The following ROBO1 variants were observed in gnomAD, a reference collection of about 807,000 sequenced individuals.
ROBO1 encodes roundabout homolog 1.
A neutral mutation model predicts 195.9 loss-of-function variants in ROBO1; 149 were observed. That is an observed-to-expected ratio of 0.76 (90% confidence interval 0.67 to 0.87). The LOEUF is 0.87. Among genes scored for constraint, ROBO1 ranks in the 40% least tolerant of loss-of-function variants. The probability of loss-of-function intolerance (pLI) is 0.00; values close to 1 mark genes in which losing one functional copy is unlikely to be tolerated. For synonymous variants in ROBO1, 816 were observed against 733.2 expected (o/e 1.11, Z -1.82); for missense variants, 1,933 against 2,068.3 (o/e 0.93, Z 1.27).
rs1226386111 is a variant in ROBO1 at position 78,701,654 on chromosome 3, C to T, written c.1045+12743G>A. ...GCACTTCTCATCTCTTCACTAATGA[C>T]CTAAAAGGCACTGTGTGAAATGACT... On this transcript the variant is annotated intron_variant, in intron 8 of 30. Coordinates refer to ENST00000464233, the MANE Select transcript of ROBO1 (RefSeq NM_002941.4). Among the ~76,000 whole-genome samples, 5 of 152,246 alleles carry T rather than the reference C, an allele frequency of 3.3e-5. No homozygotes were observed. The South Asian group carries it at 1.0e-3, about 32-fold the overall frequency.
chr3:78,702,967 C>A (rs2081454868), intron 8 of ROBO1, among the ~76,000 whole-genome samples: 2 of 152,158 alleles, frequency 1.3e-5, no homozygotes, highest in Non-Finnish European at 2.9e-5. Flanking sequence ...ATTAAGAGAG[C>A]ATTTCAAATT....
chr3:79,446,667 A>C (rs940190028), intron 2 of ROBO1, among the ~76,000 whole-genome samples: 2 of 152,164 alleles, frequency 1.3e-5, no homozygotes, highest in African/African-American at 4.8e-5. Flanking sequence ...ACCTCAGTGC[A>C]CTTTTAAAAG....
chr3:79,050,106 G>C (rs1462767262), intron 3 of ROBO1, among the ~76,000 whole-genome samples: 3 of 152,100 alleles, frequency 2.0e-5, no homozygotes, highest in Non-Finnish European at 4.4e-5. Flanking sequence ...TGGCAAATTG[G>C]ATAAACAGTC....
intron 3 of ROBO1, among the ~76,000 whole-genome samples, chr3:78,967,744 T>C (rs2076678935): frequency 1.3e-5 from 2 of 152,074 alleles, no homozygotes; most frequent in South Asian, 4.2e-4. Context: ...GATCCATAAA[T>C]CTAATAAAAA....
At chr3:78,996,340 C>CAAA (rs5850409) in intron 3 of ROBO1, among the ~76,000 whole-genome samples, 3 of 148,220 alleles carry the variant, frequency 2.0e-5, no homozygotes. Flanking sequence ...AAAAAAAAAA[C>CAAA]AAAAAAAAAA....
chr3:78,734,940 A>G lies in ROBO1; in HGVS notation c.657+11803T>C, dbSNP rs574097484. 5.3e-5 allele frequency among the ~76,000 whole-genome samples: 8 copies of G among 152,284 alleles called. No homozygotes were observed. The East Asian group carries it at 1.5e-3, about 29-fold the overall frequency. On this transcript the variant is annotated intron_variant, in intron 5 of 30. Transcript: ENST00000464233. ...GTTTACGTAAAGATATAAGCACTTT[A>G]TAAGGAATTAAAATTATGTCTCAAA...
chr3:79,630,190 G>T (rs2108019806), intron 1 of ROBO1, among the ~76,000 whole-genome samples: 1 of 151,994 alleles, frequency 6.6e-6, no homozygotes, highest in Admixed American at 6.6e-5. Context: ...GGCACCAAAA[G>T]AAGAAAACTA....
intron 3 of ROBO1, among the ~76,000 whole-genome samples, chr3:79,122,039 A>G (rs1437269688): frequency 6.6e-6 from 1 of 151,994 alleles, no homozygotes; most frequent in Non-Finnish European, 1.5e-5. Flanking sequence ...ATTTTTTTAT[A>G]TTTGTGAAAC....
At chr3:79,600,640 C>A (rs553874937) in intron 1 of ROBO1, among the ~76,000 whole-genome samples, 1 of 110,362 alleles carries the variant, frequency 9.1e-6, no homozygotes, top group Non-Finnish European at 2.1e-5. Context: ...TGAAAAAGAA[C>A]GCCTGCTGAT....
intron 1 of ROBO1, among the ~76,000 whole-genome samples, chr3:79,736,371 T>G (rs900220145): frequency 3.9e-5 from 6 of 152,198 alleles, no homozygotes; most frequent in African/African-American, 1.4e-4. Flanking sequence ...TGCATCTTAA[T>G]TGCAAAGGTT....
rs755941218 is a variant in ROBO1, at chr3:78,661,158, G to A, written c.2192C>T (p.Pro731Leu). 6.2e-7 allele frequency: 1 copy of A among 1,613,488 alleles called. No homozygotes were observed. The highest frequency in any genetic ancestry group is 2.2e-5 in the East Asian group (1 of 44,850). ...SDWLVFEVRT[P>L]AKNSVVIPDL... ...AGGGATTACCACACTGTTTTTGGCT[G>A]GCGTCCTCACTTCAAAAACTAACCA... Residue 731 changes from proline to leucine, a missense_variant, in exon 16 of 31, where the codon CCA (proline) becomes CTA (leucine). Pro to Leu is a moderately conservative substitution (Grantham distance 98, BLOSUM62 -3). Coordinates refer to ENST00000464233, the MANE Select transcript of ROBO1 (RefSeq NM_002941.4).
intron 2 of ROBO1, among the ~76,000 whole-genome samples, chr3:79,365,607 C>T (rs994815484): frequency 6.6e-6 from 1 of 152,142 alleles, no homozygotes; most frequent in African/African-American, 2.4e-5. Flanking sequence ...AACGGTACTA[C>T]TTTCCCAGGG....
At chr3:79,661,508 CT>C (rs1314788537) in intron 1 of ROBO1, among the ~76,000 whole-genome samples, 2 of 152,006 alleles carry the variant, frequency 1.3e-5, no homozygotes, top group East Asian at 3.9e-4. Flanking sequence ...ATCATTTCTT[CT>C]TTTCTTTCTT....
chr3:78,660,996 A>T, intron 16 of ROBO1, 34 bp downstream of exon 16: 1 of 1,384,000 alleles, frequency 7.2e-7, no homozygotes, highest in Non-Finnish European at 1.0e-6. Context: ...AATATACTGC[A>T]ATGCATGGAA....
At chr3:79,712,266 A>C (rs1702308074) in intron 1 of ROBO1, among the ~76,000 whole-genome samples, 1 of 152,144 alleles carries the variant, frequency 6.6e-6, no homozygotes, top group African/African-American at 2.4e-5. Flanking sequence ...CAACTTGTGA[A>C]TACAAACAGA....
intron 2 of ROBO1, among the ~76,000 whole-genome samples, chr3:79,326,463 T>C (rs2034218228): frequency 6.6e-6 from 1 of 152,136 alleles, no homozygotes; most frequent in Non-Finnish European, 1.5e-5. Flanking sequence ...AGGCCGATGC[T>C]TAGGAAAAAT....
chr3:79,570,288 G>GA (rs35474151), intron 2 of ROBO1, among the ~76,000 whole-genome samples: 52,303 of 146,126 alleles, frequency 0.36, 9,481 homozygotes, highest in African/African-American at 0.48. Context: ...GAATTATAAT[G>GA]AAAAAAAAAA....
chr3:78,647,769 A>ACTGGCTTAGTTATTT, intron 19 of ROBO1, 114 bp from the exon 20 acceptor site: 2 of 900,138 alleles, frequency 2.2e-6, no homozygotes, highest in Non-Finnish European at 3.7e-6. Flanking sequence ...GTAAATAACT[A>ACTGGCTTAGTTATTT]AGCCAGTAGT....
intron 1 of ROBO1, among the ~76,000 whole-genome samples, chr3:79,625,776 G>T (rs952964967): frequency 6.6e-6 from 1 of 152,084 alleles, no homozygotes; most frequent in Non-Finnish European, 1.5e-5. Flanking sequence ...TTCTACCAGA[G>T]GTACAAGGGG....
Sources: allele counts gnomAD v4.1 joint callset (sites outside exome capture counted in the v4.1 genomes callset), GRCh38; gene constraint gnomAD v4.1.1; transcripts MANE v1.5; gene names NCBI Gene and HGNC (gene_info 2026-07-23, HGNC 2026-07-21).